Variants in VGLL4 observed in about 807,000 individuals in gnomAD.
VGLL4 encodes vestigial like family member 4, also known as transcription cofactor vestigial-like protein 4.
A neutral mutation model predicts 21.0 loss-of-function variants in VGLL4; 7 were observed. The observed-to-expected ratio is 0.33, with a 90% CI of 0.19 to 0.63. The LOEUF (loss-of-function observed/expected upper bound fraction) is 0.63. VGLL4 is among the 20% of genes least tolerant of loss of function. The probability of loss-of-function intolerance (pLI) is 0.78; values close to 1 mark genes in which losing one functional copy is unlikely to be tolerated. For missense variants in VGLL4, 394 were observed against 425.7 expected (o/e 0.93, Z 0.66); for synonymous variants, 222 against 173.2 (o/e 1.28, Z -2.21).
intron 1 of VGLL4, among the ~76,000 whole-genome samples, chr3:11,714,631 C>T (rs934982020): frequency 6.6e-6 from 1 of 151,272 alleles, no homozygotes; most frequent in African/African-American, 2.4e-5. Context: ...TTATGAATCT[C>T]TCTCTCTTCA....
intron 2 of VGLL4, among the ~76,000 whole-genome samples, chr3:11,590,635 C>G (rs996843442): frequency 2.0e-5 from 3 of 151,026 alleles, no homozygotes; most frequent in African/African-American, 4.9e-5. Flanking sequence ...GTTTTGGAGA[C>G]AATCTGTGAA....
intron 2 of VGLL4, among the ~76,000 whole-genome samples, chr3:11,660,418 G>A (rs913998896): frequency 9.2e-5 from 14 of 152,142 alleles, no homozygotes; most frequent in Non-Finnish European, 2.9e-5. Context: ...ACCAAACCAA[G>A]AGCTCCTGAG....
chr3:11,670,378 G>A (rs1044760914), intron 2 of VGLL4, among the ~76,000 whole-genome samples: 2 of 152,138 alleles, frequency 1.3e-5, no homozygotes, highest in Non-Finnish European at 2.9e-5. Context: ...GGAAAGCTGA[G>A]GTTCCTTCCA....
chr3:11,680,836 T>G (rs1318428836), intron 2 of VGLL4, among the ~76,000 whole-genome samples: 1 of 152,206 alleles, frequency 6.6e-6, no homozygotes, highest in Non-Finnish European at 1.5e-5. Flanking sequence ...GAGATGACGC[T>G]TCTCACCTCA....
At chr3:11,718,711 A>G (rs2076951249) in intron 1 of VGLL4, among the ~76,000 whole-genome samples, 2 of 152,100 alleles carry the variant, frequency 1.3e-5, no homozygotes, top group Admixed American at 6.6e-5. Context: ...ACAAACTGGG[A>G]GACAGTGCCT....
At position 11,568,560 on chromosome 3, in the gene VGLL4, T is replaced by A; in HGVS notation, c.273-3541A>T. On this transcript the variant is annotated intron_variant, in intron 2 of 4. Transcript: ENST00000430365. The surrounding 1 kb of genome is among the most constrained non-coding windows in gnomAD (Gnocchi z 5.9). ...ACACTGAAAACAGCGAGAAAAGGCC[T>A]GGAGAACTGGCTGGTTAATTTTAGT... 6.4e-7 allele frequency: 1 copy of A among 1,553,312 alleles called. No individual in the cohort carries two copies. The highest frequency in any genetic ancestry group is 8.7e-7 in the Non-Finnish European group (1 of 1,147,332).
At chr3:11,688,128 T>G (rs1462373560) in intron 2 of VGLL4, among the ~76,000 whole-genome samples, 1 of 152,222 alleles carries the variant, frequency 6.6e-6, no homozygotes, top group Non-Finnish European at 1.5e-5. Flanking sequence ...CCTTGCATTC[T>G]TGTGATGCAA....
chr3:11,578,516 T>C (rs1415483655), intron 2 of VGLL4, among the ~76,000 whole-genome samples: 1 of 151,714 alleles, frequency 6.6e-6, no homozygotes, highest in African/African-American at 2.4e-5. Context: ...TCAATAAATT[T>C]ATTCAGCACT....
At chr3:11,693,447 G>A (rs2076560985) in intron 2 of VGLL4, among the ~76,000 whole-genome samples, 2 of 152,160 alleles carry the variant, frequency 1.3e-5, no homozygotes, top group Admixed American at 1.3e-4. Flanking sequence ...TCCTCAACAG[G>A]CAAGGATCTG....
intron 3 of VGLL4, among the ~76,000 whole-genome samples, chr3:11,561,891 C>CTTTTTTTTTTT (rs35380668): frequency 1.1e-5 from 1 of 88,588 alleles, no homozygotes; most frequent in African/African-American, 4.7e-5. Context: ...CTGCGCCAAA[C>CTTTTTTTTTTT]TTTTTTTTTT....
rs139994375 is a variant in VGLL4 at position 11,715,949 on chromosome 3, T to C, written c.-14+4445A>G. Among the ~76,000 whole-genome samples, 159 of 152,242 alleles carry C rather than the reference T, an allele frequency of 1.0e-3. 3 individuals are homozygous for C. The highest frequency in any genetic ancestry group is 3.7e-3 in the African/African-American group (154 of 41,568). ...TCACAGCCTTCTTGGCTGAGGAACA[T>C]TAGACAGCATTTTAGCACCATACTT... On this transcript the variant is annotated intron_variant, in intron 1 of 5. Coordinates refer to the VGLL4 transcript ENST00000273038.
chr3:11,568,522 G>C lies in VGLL4; in HGVS notation c.273-3503C>G. The C allele has an allele frequency of 2.6e-6, 4 of 1,527,636 alleles. No homozygotes were observed. The highest frequency in any genetic ancestry group is 3.6e-6 in the Non-Finnish European group (4 of 1,125,458). The allele number at this position is 1,527,636 out of a possible 1,614,324, so 94.6% of individuals were successfully genotyped here. A position where few individuals can be genotyped will look rare whatever the true frequency, so the allele number is the denominator to read the frequency against. ...TGGAACACAGCACAGTGGGCACTAT[G>C]GGTCAGACAAAGACACTGAAAACAG... On this transcript the variant is annotated intron_variant, in intron 2 of 4. Transcript: ENST00000430365. This position sits in a 1 kb window ranked among gnomAD's most constrained non-coding sequence, Gnocchi z 5.9.
intron 2 of VGLL4, among the ~76,000 whole-genome samples, chr3:11,588,566 A>G (rs1263218270): frequency 6.6e-6 from 1 of 152,238 alleles, no homozygotes; most frequent in Non-Finnish European, 1.5e-5. Context: ...CTGACACTCG[A>G]GCACCAGTAA....
chr3:11,573,279 G>GAA (rs58858146), intron 2 of VGLL4, among the ~76,000 whole-genome samples: 1 of 15,452 alleles, frequency 6.5e-5, no homozygotes, highest in African/African-American at 2.6e-4. Flanking sequence ...AAGAAAGAAA[G>GAA]AAAGAAAGAA....
At chr3:11,574,398 G>A (rs1039148389) in intron 2 of VGLL4, among the ~76,000 whole-genome samples, 2 of 152,100 alleles carry the variant, frequency 1.3e-5, no homozygotes, top group Non-Finnish European at 2.9e-5. Context: ...CACGAGCACC[G>A]CACAATGACA....
chr3:11,607,461 G>A (rs1459334678), intron 1 of VGLL4: 1 of 152,132 alleles, frequency 6.6e-6, no homozygotes, highest in African/African-American at 2.4e-5. Flanking sequence ...ACGGGTGGCA[G>A]GTTTCTTTGG....
intron 1 of VGLL4, among the ~76,000 whole-genome samples, chr3:11,636,884 G>A (rs1204034253): frequency 2.0e-5 from 3 of 152,078 alleles, no homozygotes; most frequent in African/African-American, 7.2e-5. Context: ...GGGAAGCTGG[G>A]ACATATATTA....
In VGLL4 at chr3:11,566,739, G is replaced by A. The variant is rs150888905; in HGVS notation, c.273-1720C>T. On this transcript the variant is annotated intron_variant, in intron 2 of 4. Transcript: ENST00000430365. ...GCAGTGTAGAATCCCAAGGCGCCCC[G>A]TGCAAACCTTTAATACAGAATCCAT... Among the ~76,000 whole-genome samples, 459 of 152,082 alleles carry A rather than the reference G, an allele frequency of 3.0e-3. 1 individual carries two copies. The highest frequency in any genetic ancestry group is 5.1e-3 in the Non-Finnish European group (349 of 67,968).
chr3:11,699,618 G>A (rs1169746619), intron 2 of VGLL4: 1 of 152,142 alleles, frequency 6.6e-6, no homozygotes, highest in Non-Finnish European at 1.5e-5. Context: ...ACCAGCCTGG[G>A]CAACATGATG....
Sources: allele counts gnomAD v4.1 joint callset (sites outside exome capture counted in the v4.1 genomes callset), GRCh38; gene constraint gnomAD v4.1.1; non-coding constraint Gnocchi (gnomAD v3.1); transcripts MANE v1.5; gene names NCBI Gene and HGNC (gene_info 2026-07-23, HGNC 2026-07-21).